RBFOX1: variants seen among roughly 807,000 people sequenced by gnomAD.
The protein encoded by RBFOX1 is RNA binding fox-1 homolog 1.
RBFOX1 carries 8 observed loss-of-function variants against 57.7 expected under a neutral mutation model. That is an observed-to-expected ratio of 0.14 (90% CI 0.08 to 0.25). The LOEUF (loss-of-function observed/expected upper bound fraction) is 0.25, where lower values mean the gene tolerates loss of function less well. RBFOX1 is among the 10% of genes least tolerant of loss of function. The pLI is 1.00. For missense variants in RBFOX1, 611 were observed against 548.5 expected (o/e 1.11, Z -1.14); for synonymous variants, 326 against 222.4 (o/e 1.47, Z -4.15).
chr16:6,220,259 A>G (rs529542308), intron 1 of RBFOX1, among the ~76,000 whole-genome samples: 57 of 152,250 alleles, frequency 3.7e-4, no homozygotes, highest in Admixed American at 7.8e-4. Context: ...ACAAACAGAC[A>G]CACATAACAT....
chr16:6,002,564 C>A (rs932720424), intron 4 of RBFOX1, among the ~76,000 whole-genome samples: 1 of 152,112 alleles, frequency 6.6e-6, no homozygotes, highest in Non-Finnish European at 1.5e-5. Flanking sequence ...AGAAGTGAAT[C>A]CATAATTGAG....
chr16:6,227,333 G>C (rs1016193336), intron 1 of RBFOX1, among the ~76,000 whole-genome samples: 1 of 152,070 alleles, frequency 6.6e-6, no homozygotes, highest in Non-Finnish European at 1.5e-5. Context: ...ATGTGTTGCC[G>C]GTGCTGCAGG....
intron 3 of RBFOX1, among the ~76,000 whole-genome samples, chr16:5,713,611 TA>T (rs1476075287): frequency 1.3e-5 from 2 of 152,188 alleles, no homozygotes; most frequent in East Asian, 3.8e-4. Context: ...TTTGATTCTT[TA>T]AAAAAGTACA....
chr16:5,555,112 C>T (rs777169718), intron 2 of RBFOX1, among the ~76,000 whole-genome samples: 2 of 152,110 alleles, frequency 1.3e-5, no homozygotes, highest in Non-Finnish European at 2.9e-5. Context: ...CTCTAAAGCC[C>T]GGGGTACAGG....
chr16:6,917,900 A>C lies in RBFOX1; in HGVS notation c.-15-134157A>C, dbSNP rs182346539. Among the ~76,000 whole-genome samples the C allele has an allele frequency of 2.7e-3, 409 of 152,290 alleles. 2 individuals carry two copies. Among genetic ancestry groups the C allele is most frequent in the African/African-American group, 9.1e-3 (380 of 41,570 alleles). ...AACTGACACAAGTCGAAAGAGGGAC[A>C]ATGGAGACCTGGGTATTATCCCTTT... On this transcript the variant is annotated intron_variant, in intron 3 of 15. Transcript: ENST00000550418.
chr16:7,264,526 T>A (rs562561837), intron 4 of RBFOX1, among the ~76,000 whole-genome samples: 1 of 152,292 alleles, frequency 6.6e-6, no homozygotes, highest in African/African-American at 2.4e-5. Flanking sequence ...GACCACGTAG[T>A]CTCTGCCACA....
At chr16:6,769,326 G>A (rs1012407680) in intron 3 of RBFOX1, among the ~76,000 whole-genome samples, 1 of 152,180 alleles carries the variant, frequency 6.6e-6, no homozygotes, top group African/African-American at 2.4e-5. Context: ...ATGTGGAACT[G>A]TAAGTCTATT....
chr16:5,632,224 A>G (rs1158284545), intron 3 of RBFOX1, among the ~76,000 whole-genome samples: 2 of 152,222 alleles, frequency 1.3e-5, no homozygotes, highest in Admixed American at 6.5e-5. Flanking sequence ...ATTAGAGACG[A>G]TGTCATGAGA....
At chr16:7,303,425 C>G (rs992671099) in intron 4 of RBFOX1, among the ~76,000 whole-genome samples, 1 of 152,216 alleles carries the variant, frequency 6.6e-6, no homozygotes, top group Non-Finnish European at 1.5e-5. Context: ...CCACCAACAT[C>G]TACCACTGTG....
chr16:6,782,955 G>C (rs907321942), intron 3 of RBFOX1, among the ~76,000 whole-genome samples: 2 of 151,992 alleles, frequency 1.3e-5, no homozygotes, highest in African/African-American at 4.8e-5. Flanking sequence ...ATATCCTGTT[G>C]CTGAGTTGAC....
At chr16:5,335,910 A>G (rs2064884710) in intron 1 of RBFOX1, among the ~76,000 whole-genome samples, 1 of 152,132 alleles carries the variant, frequency 6.6e-6, no homozygotes, top group Non-Finnish European at 1.5e-5. Context: ...CCATATATGG[A>G]TTCTGTGAGC....
intron 12 of RBFOX1, among the ~76,000 whole-genome samples, chr16:7,664,056 G>A (rs2068522235): frequency 1.3e-5 from 2 of 152,260 alleles, no homozygotes; most frequent in African/African-American, 4.8e-5. Context: ...TTCAATCAAG[G>A]TGTGGGTCTT....
intron 4 of RBFOX1, among the ~76,000 whole-genome samples, chr16:7,136,444 T>C (rs2072002131): frequency 6.7e-6 from 1 of 150,374 alleles, no homozygotes. Context: ...TCTTGTTCTG[T>C]TATCCAGGCT....
intron 9 of RBFOX1, among the ~76,000 whole-genome samples, chr16:7,603,994 A>T (rs2095173832): frequency 6.6e-6 from 1 of 152,292 alleles, no homozygotes; most frequent in South Asian, 2.1e-4. Context: ...AGGCAGAGAT[A>T]GGAATGCCTT....
intron 3 of RBFOX1, among the ~76,000 whole-genome samples, chr16:6,980,160 C>T (rs559902130): frequency 5.5e-4 from 84 of 152,234 alleles, no homozygotes; most frequent in African/African-American, 1.9e-3. Context: ...TTCAATTAAG[C>T]CTCCGCAGTT....
intron 3 of RBFOX1, among the ~76,000 whole-genome samples, chr16:6,922,213 G>A (rs2074610845): frequency 6.6e-6 from 1 of 152,146 alleles, no homozygotes; most frequent in Non-Finnish European, 1.5e-5. Context: ...TGCTACAATG[G>A]AGAGGTCTGA....
intron 3 of RBFOX1, among the ~76,000 whole-genome samples, chr16:6,812,747 T>C (rs74007092): frequency 0.072 from 10,976 of 152,136 alleles, 524 homozygotes; most frequent in African/African-American, 0.12. Context: ...GCAACATGGA[T>C]TGTTGGAGGC....
chr16:6,638,755 G>A (rs778230280), intron 2 of RBFOX1, among the ~76,000 whole-genome samples: 2 of 152,136 alleles, frequency 1.3e-5, no homozygotes, highest in African/African-American at 2.4e-5. Context: ...ACTTCTCTTC[G>A]CTATTGTAAC....
intron 3 of RBFOX1, among the ~76,000 whole-genome samples, chr16:6,837,090 A>G (rs779095214): frequency 2.1e-4 from 32 of 152,222 alleles, no homozygotes; most frequent in Admixed American, 1.4e-3. Context: ...TTGGTTAACA[A>G]TAGCCAGAGC....
Sources: allele counts gnomAD v4.1 joint callset (sites outside exome capture counted in the v4.1 genomes callset), GRCh38; gene constraint gnomAD v4.1.1; transcripts MANE v1.5; gene names NCBI Gene and HGNC (gene_info 2026-07-23, HGNC 2026-07-21).